Variants in DPYSL3 observed in about 807,000 individuals in gnomAD.
The protein encoded by DPYSL3 is dihydropyrimidinase like 3, also known as dihydropyrimidinase-related protein 3.
DPYSL3 carries 16 observed loss-of-function variants against 66.1 expected under a neutral mutation model. The observed-to-expected ratio is 0.24, with a 90% CI of 0.16 to 0.37. The LOEUF (loss-of-function observed/expected upper bound fraction) is 0.37, where lower values mean the gene tolerates loss of function less well. Ranked by LOEUF, DPYSL3 falls within the 10% of genes least tolerant of loss-of-function variation. DPYSL3 has a pLI of 1.00. For synonymous variants in DPYSL3, 338 were observed against 345.1 expected, an observed-to-expected ratio of 0.98 and a Z score of 0.23; for missense variants, 738 against 916.2, an observed-to-expected ratio of 0.81 and a Z score of 2.51.
Position 147,405,668 on chromosome 5 carries a change from G to A in DPYSL3, c.1095C>T (p.Tyr365=), listed in dbSNP as rs768834528. ...CACTCTTGCTCATGACCTTTGTGAC[G>A]TAGAGAGGGCAATTGGTTTGGCTGG... ...TIASQTNCPL[Y]VTKVMSKSAA... The change falls in exon 8 of 14, where the codon TAC becomes TAT. Residue 365 remains tyrosine, a synonymous_variant. Coordinates refer to ENST00000343218, the MANE Select transcript of DPYSL3 (RefSeq NM_001197294.2). The A allele has an allele frequency of 1.1e-5, 18 of 1,613,888 alleles. No homozygotes were observed. The highest frequency in any genetic ancestry group is 5.5e-5 in the South Asian group (5 of 91,072).
At chr5:147,502,589 TTTTTTGAGACGGAGTC>T (rs1174324929) in intron 1 of DPYSL3, among the ~76,000 whole-genome samples, 1 of 147,052 alleles carries the variant, frequency 6.8e-6, no homozygotes, top group Non-Finnish European at 1.5e-5. Context: ...TTTTTTTTTT[TTTTTTGAGACGGAGTC>T]TCGCTCTGTC....
chr5:147,403,111 C>T (rs76636741), intron 8 of DPYSL3, among the ~76,000 whole-genome samples: 5,580 of 152,080 alleles, frequency 0.037, 360 homozygotes, highest in African/African-American at 0.13. Context: ...TAATAATGCG[C>T]GGGGTCTCAG....
chr5:147,414,788 AG>A (rs2152021376), intron 4 of DPYSL3, among the ~76,000 whole-genome samples: 2 of 152,146 alleles, frequency 1.3e-5, no homozygotes, highest in East Asian at 3.9e-4. Context: ...TCATCCTCTG[AG>A]GGGGTCATCC....
chr5:147,489,088 G>C (rs1271988243), intron 1 of DPYSL3, among the ~76,000 whole-genome samples: 1 of 151,954 alleles, frequency 6.6e-6, no homozygotes, highest in East Asian at 1.9e-4. Context: ...AACTGTTGGA[G>C]TCCCTCTCCA....
In DPYSL3 at chr5:147,509,851, G is replaced by A. The variant is rs1753734893; in HGVS notation, c.8C>T (p.Ser3Leu). Residue 3 changes from serine to leucine, a missense_variant, in exon 1 of 14, where the codon TCG (serine) becomes TTG (leucine). Physicochemically the swap from Ser to Leu is moderately radical, Grantham distance 145. Transcript: ENST00000343218. The surrounding 1 kb of genome is among the most constrained non-coding windows in gnomAD (Gnocchi z 5.3). ...GGAGCTGTCCCAGCCCCTCCGGCCCGAGGCCATGGTTCAAGCACGAAAGCG... is the reference window on the plus strand; with the variant it reads ...GGAGCTGTCCCAGCCCCTCCGGCCCAAGGCCATGGTTCAAGCACGAAAGCG... MA[S>L]GRRGWDSSHE... The A allele has an allele frequency of 2.6e-6, 4 of 1,528,270 alleles. No homozygotes were observed. The highest frequency in any genetic ancestry group is 3.5e-6 in the Non-Finnish European group (4 of 1,141,330). 94.7% of individuals were successfully genotyped at this position (1,528,270 alleles called of 1,614,324 possible).
chr5:147,456,015 A>G (rs891187299), intron 1 of DPYSL3, among the ~76,000 whole-genome samples: 1 of 152,098 alleles, frequency 6.6e-6, no homozygotes, highest in Non-Finnish European at 1.5e-5. Flanking sequence ...GGCAATTGCA[A>G]TGTGTTCTTC....
In DPYSL3 at chr5:147,395,539, G is replaced by A; in HGVS notation, c.1966+20C>T. ...CCCCTTCCCCCTTCTCTTATCTTTT[G>A]ATGAGCCTGTCCCACTCACCTGACA... is the stretch of plus-strand genomic sequence containing the variant. On this transcript the variant is annotated intron_variant, in intron 13 of 13. Coordinates refer to ENST00000343218, the MANE Select transcript of DPYSL3 (RefSeq NM_001197294.2). 6.3e-7 allele frequency: 1 copy of A among 1,599,032 alleles called. No individual in the cohort carries two copies. Among genetic ancestry groups the A allele is most frequent in the East Asian group, 2.3e-5 (1 of 44,242 alleles).
chr5:147,402,831 G>GTTTA (rs1758233047), intron 8 of DPYSL3, among the ~76,000 whole-genome samples: 1 of 152,140 alleles, frequency 6.6e-6, no homozygotes, highest in Non-Finnish European at 1.5e-5. Context: ...GATCTAAGCT[G>GTTTA]TTTAGCTTCT....
chr5:147,470,058 T>C (rs1286892216), intron 1 of DPYSL3, among the ~76,000 whole-genome samples: 3 of 152,214 alleles, frequency 2.0e-5, no homozygotes, highest in African/African-American at 4.8e-5. Context: ...CATGCAATGA[T>C]ACTGATGAGG....
intron 1 of DPYSL3, among the ~76,000 whole-genome samples, chr5:147,430,725 T>C (rs1752299145): frequency 6.6e-6 from 1 of 152,052 alleles, no homozygotes; most frequent in Non-Finnish European, 1.5e-5. Context: ...TCCATTTTAG[T>C]TTTCCTCCCC....
intron 1 of DPYSL3, among the ~76,000 whole-genome samples, chr5:147,447,701 T>C (rs952914734): frequency 2.0e-5 from 3 of 152,022 alleles, no homozygotes; most frequent in Admixed American, 6.6e-5. Flanking sequence ...AGAAACCCTG[T>C]CTCTACTAAA....
At chr5:147,419,434 G>A (rs1430903687) in intron 2 of DPYSL3, among the ~76,000 whole-genome samples, 1 of 152,216 alleles carries the variant, frequency 6.6e-6, no homozygotes, top group Non-Finnish European at 1.5e-5. Context: ...AGCCTCCAAG[G>A]AAAGTGACAA....
rs182085484 is a variant in DPYSL3, at chr5:147,491,248, G to A, written c.381+18230C>T. Among the ~76,000 whole-genome samples, 135 of 152,254 alleles carry A rather than the reference G, an allele frequency of 8.9e-4. 1 individual carries two copies. The highest frequency in any genetic ancestry group is 2.1e-4 in the Non-Finnish European group (14 of 68,036). On this transcript the variant is annotated intron_variant, in intron 1 of 13. Transcript: ENST00000343218. ...GCACTTGAAACATTCACAGTCCAGG[G>A]TCACAGGCTCACCAAAAGACTTAGA...
chr5:147,424,021 G>A (rs1054526214), intron 2 of DPYSL3, among the ~76,000 whole-genome samples: 3 of 152,152 alleles, frequency 2.0e-5, no homozygotes, highest in Non-Finnish European at 2.9e-5. Flanking sequence ...CGCCATGCCC[G>A]GCCGACCGCA....
At chr5:147,502,121 G>A (rs191890793) in intron 1 of DPYSL3, among the ~76,000 whole-genome samples, 80 of 152,080 alleles carry the variant, frequency 5.3e-4, no homozygotes, top group African/African-American at 1.9e-3. Flanking sequence ...TGACTCAGAC[G>A]CTGCCTTCTA....
chr5:147,452,029 G>C (rs1230830405), intron 1 of DPYSL3, among the ~76,000 whole-genome samples: 1 of 152,148 alleles, frequency 6.6e-6, no homozygotes, highest in Non-Finnish European at 1.5e-5. Context: ...AAGGATCCCT[G>C]CTGGCCTCAA....
chr5:147,480,786 G>A (rs1428365050), intron 1 of DPYSL3, among the ~76,000 whole-genome samples: 3 of 150,668 alleles, frequency 2.0e-5, no homozygotes, highest in South Asian at 2.1e-4. Flanking sequence ...GCAATGGCGC[G>A]ATCTCAGCTC....
intron 1 of DPYSL3, among the ~76,000 whole-genome samples, chr5:147,465,077 C>A (rs978570637): frequency 9.9e-5 from 15 of 152,104 alleles, no homozygotes; most frequent in Non-Finnish European, 1.5e-5. Flanking sequence ...GCCTGTAATT[C>A]CAGCTACTTG....
chr5:147,424,539 CT>C (rs1752156715), intron 2 of DPYSL3, among the ~76,000 whole-genome samples: 1 of 152,300 alleles, frequency 6.6e-6, no homozygotes, highest in Admixed American at 6.5e-5. Flanking sequence ...CAAAGCATTA[CT>C]TCTAAATAAA....
Sources: gnomAD v4.1 joint callset for allele counts (sites outside exome capture counted in the v4.1 genomes callset) on GRCh38, gnomAD v4.1.1 for gene constraint, Gnocchi (gnomAD v3.1) non-coding constraint, MANE v1.5 for transcripts, NCBI Gene and HGNC (gene_info 2026-07-23, HGNC 2026-07-21) for gene names.